Variants in GRIA1 observed in about 807,000 individuals in gnomAD.
GRIA1 encodes glutamate ionotropic receptor AMPA type subunit 1, also known as glutamate receptor 1.
In GRIA1, 31 loss-of-function variants were observed where a neutral mutation model predicts 99.2. That is an observed-to-expected ratio of 0.31 (90% confidence interval 0.23 to 0.42). The LOEUF is 0.42. Among genes scored for constraint, GRIA1 ranks in the 10% least tolerant of loss-of-function variants. The pLI is 1.00. For synonymous variants in GRIA1, 438 were observed against 432.4 expected, an observed-to-expected ratio of 1.01 and a Z score of -0.16; for missense variants, 782 against 1,157.5, an observed-to-expected ratio of 0.68 and a Z score of 4.71.
intron 8 of GRIA1, among the ~76,000 whole-genome samples, chr5:153,693,389 G>A (rs567087871): frequency 6.6e-5 from 10 of 152,066 alleles, no homozygotes; most frequent in Admixed American, 2.0e-4. Context: ...AGAATGCTTG[G>A]GAGTCAGCTA....
chr5:153,629,126 C>T (rs958570424), intron 2 of GRIA1, among the ~76,000 whole-genome samples: 12 of 152,188 alleles, frequency 7.9e-5, no homozygotes, highest in African/African-American at 2.9e-4. Context: ...AGGCCAGTGC[C>T]CTGGATGGTT....
At chr5:153,522,230 G>A (rs190621503) in intron 2 of GRIA1, among the ~76,000 whole-genome samples, 40 of 152,302 alleles carry the variant, frequency 2.6e-4, no homozygotes, top group Non-Finnish European at 3.5e-4. Context: ...TTTGCAAGAT[G>A]GTTATTGTAA....
chr5:153,799,473 A>AATTTTGTGTAAAATGTAAAATTTCAATTT (rs1388142970), intron 14 of GRIA1, among the ~76,000 whole-genome samples: 1 of 152,226 alleles, frequency 6.6e-6, no homozygotes, highest in African/African-American at 2.4e-5. Context: ...AGGGAATCAG[A>AATTTTGTGTAAAATGTAAAATTTCAATTT]ACATTTTGTG....
chr5:153,565,527 T>C (rs951187002), intron 2 of GRIA1, among the ~76,000 whole-genome samples: 12 of 152,220 alleles, frequency 7.9e-5, no homozygotes, highest in Admixed American at 2.0e-4. Flanking sequence ...ATATATACAT[T>C]CATCGCCATA....
intron 11 of GRIA1, among the ~76,000 whole-genome samples, chr5:153,712,254 G>GTTGGCCAGGCTGGTCTTGAACTCCTGACC: frequency 6.6e-6 from 1 of 152,226 alleles, no homozygotes; most frequent in Admixed American, 6.5e-5. Flanking sequence ...GTTTCACCAT[G>GTTGGCCAGGCTGGTCTTGAACTCCTGACC]TTGGCCAGGC....
intron 2 of GRIA1, among the ~76,000 whole-genome samples, chr5:153,539,162 TAACA>T (rs1758847055): frequency 6.6e-6 from 1 of 152,206 alleles, no homozygotes; most frequent in Non-Finnish European, 1.5e-5. Context: ...TATTTTCCTT[TAACA>T]AACATATTTT....
chr5:153,503,615 C>T (rs1169332998), intron 2 of GRIA1, among the ~76,000 whole-genome samples: 1 of 152,140 alleles, frequency 6.6e-6, no homozygotes, highest in Non-Finnish European at 1.5e-5. Flanking sequence ...AATCTTAAGG[C>T]TAAGTTTATC....
At chr5:153,802,640 G>A (rs781407392) in intron 15 of GRIA1, 150 bp downstream of exon 15, 8 of 793,206 alleles carry the variant, frequency 1.0e-5, no homozygotes, top group East Asian at 4.9e-5. Flanking sequence ...GGAAGGTGAC[G>A]GGGACAAAGG....
At chr5:153,741,937 A>C (rs1761824962) in intron 11 of GRIA1, among the ~76,000 whole-genome samples, 1 of 115,316 alleles carries the variant, frequency 8.7e-6, no homozygotes, top group Non-Finnish European at 1.7e-5. Flanking sequence ...CTTTTTTTAA[A>C]AAAAAAAAAA....
At chr5:153,675,329 C>A (rs554184178) in intron 6 of GRIA1, among the ~76,000 whole-genome samples, 6 of 152,168 alleles carry the variant, frequency 3.9e-5, no homozygotes, top group Middle Eastern at 3.2e-3. Context: ...GGCAACCTAA[C>A]TAAGGAATAT....
At chr5:153,717,773 TG>T (rs940138569) in intron 11 of GRIA1, among the ~76,000 whole-genome samples, 1 of 152,208 alleles carries the variant, frequency 6.6e-6, no homozygotes, top group African/African-American at 2.4e-5. Context: ...CATGGAACTT[TG>T]CCAGCCACAT....
intron 2 of GRIA1, among the ~76,000 whole-genome samples, chr5:153,598,464 A>G (rs1476258505): frequency 1.3e-5 from 2 of 152,180 alleles, no homozygotes; most frequent in Admixed American, 1.3e-4. Flanking sequence ...ACACAGGGGA[A>G]AAAGTAAGAA....
intron 2 of GRIA1, among the ~76,000 whole-genome samples, chr5:153,540,600 C>T (rs1297739401): frequency 6.6e-6 from 1 of 152,122 alleles, no homozygotes; most frequent in Non-Finnish European, 1.5e-5. Context: ...CTGGGCCAGA[C>T]CCTATGTTAG....
chr5:153,642,540 A>T (rs916696085), intron 2 of GRIA1, among the ~76,000 whole-genome samples: 25 of 151,986 alleles, frequency 1.6e-4, no homozygotes, highest in Non-Finnish European at 3.7e-4. Flanking sequence ...CAGCTTGCGC[A>T]ACATAATGAG....
intron 2 of GRIA1, among the ~76,000 whole-genome samples, chr5:153,581,638 C>T (rs1763052728): frequency 1.3e-5 from 2 of 152,152 alleles, no homozygotes; most frequent in South Asian, 4.1e-4. Context: ...CCTTTGGCCC[C>T]ACTCCTACCC....
intron 2 of GRIA1, among the ~76,000 whole-genome samples, chr5:153,499,703 AC>A (rs1754802905): frequency 2.6e-5 from 4 of 151,576 alleles, no homozygotes; most frequent in Non-Finnish European, 5.9e-5. Flanking sequence ...TAGAAGTGTC[AC>A]AGTGGAATTT....
intron 14 of GRIA1, among the ~76,000 whole-genome samples, chr5:153,801,593 T>G (rs2926836): frequency 0.77 from 117,257 of 152,160 alleles, 46,397 homozygotes; most frequent in East Asian, 0.95. Flanking sequence ...AGGCAACAGA[T>G]ATTTCTAAAT....
At chr5:153,653,598 T>C (rs1028015043) in intron 4 of GRIA1, among the ~76,000 whole-genome samples, 3 of 152,178 alleles carry the variant, frequency 2.0e-5, no homozygotes, top group African/African-American at 7.2e-5. Flanking sequence ...CCAGGACCTG[T>C]TGAGGTTATC....
chr5:153,572,393 G>C (rs1015737135), intron 2 of GRIA1, among the ~76,000 whole-genome samples: 1 of 152,092 alleles, frequency 6.6e-6, no homozygotes, highest in Non-Finnish European at 1.5e-5. Context: ...GCAAGCGGGA[G>C]GCACATTTTC....
Sources: allele counts gnomAD v4.1 joint callset (sites outside exome capture counted in the v4.1 genomes callset), GRCh38; gene constraint gnomAD v4.1.1; transcripts MANE v1.5; gene names NCBI Gene and HGNC (gene_info 2026-07-23, HGNC 2026-07-21).